The following TLN2 variants were observed in gnomAD, a reference collection of about 807,000 sequenced individuals.
TLN2 encodes the protein talin 2.
TLN2 carries 118 observed loss-of-function variants against 294.7 expected under a neutral mutation model. The observed-to-expected ratio is 0.40, with a 90% confidence interval of 0.34 to 0.47. The LOEUF is 0.47. TLN2 is among the 20% of genes least tolerant of loss of function. TLN2 has a pLI of 0.84. For missense variants in TLN2, 3,083 were observed against 3,282.2 expected (o/e 0.94, Z 1.48); for synonymous variants, 1,431 against 1,304.5 (o/e 1.10, Z -2.09).
At chr15:62,536,035 T>C (rs1486575199) in intron 1 of TLN2, among the ~76,000 whole-genome samples, 3 of 152,220 alleles carry the variant, frequency 2.0e-5, no homozygotes, top group Non-Finnish European at 2.9e-5. Context: ...TCGGCCTTCC[T>C]TTGACATTTA....
Position 62,658,933 on chromosome 15 carries a change from A to G in TLN2, c.788+1035A>G, listed in dbSNP as rs756818930. Among the ~76,000 whole-genome samples, 178 of 152,328 alleles carry G rather than the reference A, an allele frequency of 1.2e-3. 1 individual carries two copies. Among genetic ancestry groups the G allele is most frequent in the Admixed American group, 2.5e-3 (38 of 15,302 alleles). ...CTAGAGGGGCCTTGGAGGAAACAAC[A>G]TTTTGTTTCTGTTGCTAGAGTGACT... On this transcript the variant is annotated intron_variant, in intron 9 of 58. Transcript: ENST00000636159.
intron 48 of TLN2, among the ~76,000 whole-genome samples, chr15:62,798,021 A>G (rs902106362): frequency 2.0e-5 from 3 of 152,192 alleles, no homozygotes; most frequent in Admixed American, 6.5e-5. Context: ...CGCGGGCATC[A>G]TGTTGCCAGG....
At position 62,639,487 on chromosome 15, in the gene TLN2, G is replaced by C. The variant is rs533863452; in HGVS notation, c.-36-7788G>C. Among the ~76,000 whole-genome samples the C allele has an allele frequency of 5.3e-5, 8 of 152,278 alleles. No homozygotes were observed. In the South Asian group the frequency reaches 1.7e-3, roughly 32 times the overall value. ...GTTTTAACGATAGTCATTTCTAGTTGAAGTGTTCAAACAGTAGTCCTGGCA... is the reference window on the plus strand; with the variant it reads ...GTTTTAACGATAGTCATTTCTAGTTCAAGTGTTCAAACAGTAGTCCTGGCA... On this transcript the variant is annotated intron_variant, in intron 3 of 58. Transcript: ENST00000636159.
At chr15:62,445,508 A>G (rs911799239) in intron 1 of TLN2, among the ~76,000 whole-genome samples, 2 of 152,250 alleles carry the variant, frequency 1.3e-5, no homozygotes, top group Non-Finnish European at 2.9e-5. Flanking sequence ...TTGTTTGAAT[A>G]TAATCAGGCC....
At chr15:62,657,541 A>C (rs1321484124) in intron 8 of TLN2, among the ~76,000 whole-genome samples, 1 of 152,012 alleles carries the variant, frequency 6.6e-6, no homozygotes, top group Non-Finnish European at 1.5e-5. Flanking sequence ...TGTACTGGAC[A>C]CCTCTAATGT....
In TLN2 at chr15:62,792,706, G is replaced by C. The variant is rs1295437895; in HGVS notation, c.5802G>C (p.Lys1934Asn). The change falls in exon 46 of 59, where the codon AAG becomes AAC. Residue 1934 changes from lysine (K) to asparagine (N), a missense_variant. Coordinates refer to ENST00000636159, the MANE Select transcript of TLN2 (RefSeq NM_015059.3). ...ACGGCTGTATCTTCCTGGTGCAGAA[G>C]GCAGGGGCCCTCCAGGTCTGCCCCA... The part of the protein sequence containing the change: ...LGHGCIFLVQ[K>N]AGALQVCPTD... 1 of 1,614,056 alleles carries C rather than the reference G, an allele frequency of 6.2e-7. No homozygotes were observed.
At chr15:62,805,574 T>G (rs2066223560) in intron 50 of TLN2, 26 bp from the exon 51 acceptor site, 2 of 1,564,934 alleles carry the variant, frequency 1.3e-6, no homozygotes, top group Non-Finnish European at 1.7e-6. Flanking sequence ...TTTGATTTTT[T>G]TAACCTCTCT....
chr15:62,650,541 A>G (rs1439483330), intron 5 of TLN2, among the ~76,000 whole-genome samples: 1 of 152,190 alleles, frequency 6.6e-6, no homozygotes, highest in Non-Finnish European at 1.5e-5. Flanking sequence ...TGTAACCCTA[A>G]TGGTAGTTAG....
At position 62,835,959 on chromosome 15, in the gene TLN2, C is replaced by T. The variant is rs1470782553; in HGVS notation, c.7260C>T (p.Ala2420=). The T allele has an allele frequency of 1.2e-6, 2 of 1,614,186 alleles. No homozygotes were observed. The highest frequency in any genetic ancestry group is 2.2e-5 in the South Asian group (2 of 91,080). ...CCAATGCCTCCGTTCAGGGACACGC[C>T]AGCGAGGAGAAGCTCATCTCATCTG... ...EAANASVQGH[A]SEEKLISSAK... Residue 2420 remains alanine, a synonymous_variant, in exon 57 of 59, where the codon GCC becomes GCT. Transcript: ENST00000636159.
chr15:62,397,641 AG>A lies in TLN2; in HGVS notation c.-238+6959del, dbSNP rs1330153743. Among the ~76,000 whole-genome samples, 13 of 152,182 alleles carry A rather than the reference AG, an allele frequency of 8.5e-5. 1 individual carries two copies. Among genetic ancestry groups the A allele is most frequent in the Admixed American group, 3.9e-4 (6 of 15,282 alleles). On this transcript the variant is annotated intron_variant, in intron 1 of 58. Transcript: ENST00000636159. ...CCAGAATCTCAACCCACTGGAAACC[AG>A]GGCTGTGCTGCACAATCTGAAAACC...
At chr15:62,545,820 A>G (rs2041965420) in intron 1 of TLN2, among the ~76,000 whole-genome samples, 1 of 152,114 alleles carries the variant, frequency 6.6e-6, no homozygotes, top group Non-Finnish European at 1.5e-5. Flanking sequence ...ATATTTGTCA[A>G]ATGGATATCC....
At chr15:62,543,753 C>CAAA (rs11386820) in intron 1 of TLN2, among the ~76,000 whole-genome samples, 11 of 110,118 alleles carry the variant, frequency 1.0e-4, no homozygotes, top group Non-Finnish European at 1.6e-4. Context: ...GATTCTGTCT[C>CAAA]AAAAAAAAAA....
intron 3 of TLN2, among the ~76,000 whole-genome samples, chr15:62,632,917 G>A (rs1444459886): frequency 8.5e-6 from 1 of 117,246 alleles, no homozygotes; most frequent in East Asian, 2.6e-4. Flanking sequence ...CCGAAAGTGG[G>A]CTTGTGTTGC....
At chr15:62,502,877 C>T (rs16945188) in intron 1 of TLN2, among the ~76,000 whole-genome samples, 9,550 of 152,228 alleles carry the variant, frequency 0.063, 588 homozygotes, top group African/African-American at 0.16. Flanking sequence ...TGTTTGGTAA[C>T]AACTTTGAGG....
chr15:62,737,873 G>A (rs1478415627), intron 29 of TLN2, among the ~76,000 whole-genome samples: 1 of 152,174 alleles, frequency 6.6e-6, no homozygotes, highest in African/African-American at 2.4e-5. Context: ...ATTTCTCTTG[G>A]TATAAGAAAT....
At position 62,758,254 on chromosome 15, in the gene TLN2, T is replaced by G. The variant is rs116150826; in HGVS notation, c.4638+2561T>G. ...GCATCAGTCACTACTGATGGCACTC[T>G]TTAAAATCCCAGAGCAGGGCTCCAC... On this transcript the variant is annotated intron_variant, in intron 37 of 58. Transcript: ENST00000636159. Among the ~76,000 whole-genome samples the G allele has an allele frequency of 8.6e-3, 1,305 of 152,244 alleles. 20 individuals are homozygous for G. The highest frequency in any genetic ancestry group is 0.028 in the African/African-American group (1,180 of 41,550).
At chr15:62,693,272 C>T (rs1352354827) in intron 13 of TLN2, among the ~76,000 whole-genome samples, 1 of 152,124 alleles carries the variant, frequency 6.6e-6, no homozygotes, top group Non-Finnish European at 1.5e-5. Context: ...GCAGAGGTTG[C>T]AGTGAGCTGA....
rs114594703 is a variant in TLN2, at chr15:62,748,160, G to A, written c.4026-191G>A. 4.2e-3 allele frequency among the ~76,000 whole-genome samples: 643 copies of A among 152,196 alleles called. 4 individuals carry two copies. Among genetic ancestry groups the A allele is most frequent in the African/African-American group, 0.015 (619 of 41,526 alleles). On this transcript the variant is annotated intron_variant, in intron 32 of 58. Coordinates refer to ENST00000636159, the MANE Select transcript of TLN2 (RefSeq NM_015059.3). The stretch of plus-strand genomic sequence containing the variant: ...TAGCAAATGAATAATCAGAGGCGAG[G>A]TAGGGTTTCTCATTCTGTCTTCCCT...
rs567170553 is a variant in TLN2 at position 62,490,934 on chromosome 15, G to A, written c.-237-98753G>A. 8.5e-5 allele frequency among the ~76,000 whole-genome samples: 13 copies of A among 152,272 alleles called. No homozygotes were observed. In the East Asian group the frequency reaches 1.5e-3, roughly 18 times the overall value. ...TTTGCCAAAGTTAAGGGTACACACC[G>A]TTGACATAGCCTTAGGAGATCCTGA... On this transcript the variant is annotated intron_variant, in intron 1 of 58. Coordinates refer to ENST00000636159, the MANE Select transcript of TLN2 (RefSeq NM_015059.3).
Sources: gnomAD v4.1 joint callset for allele counts (sites outside exome capture counted in the v4.1 genomes callset) on GRCh38, gnomAD v4.1.1 for gene constraint, MANE v1.5 for transcripts, NCBI Gene and HGNC (gene_info 2026-07-23, HGNC 2026-07-21) for gene names.